Variants in DPYD observed in about 807,000 individuals in gnomAD.
DPYD encodes dihydropyrimidine dehydrogenase [NADP(+)].
In DPYD, 109 loss-of-function variants were observed where a neutral mutation model predicts 116.2. That is an observed-to-expected ratio of 0.94 (90% CI 0.80 to 1.10). The LOEUF (loss-of-function observed/expected upper bound fraction) is 1.10, where lower values mean the gene tolerates loss of function less well. DPYD is among the 50% of genes least tolerant of loss of function. The pLI is 0.00. For synonymous variants in DPYD, 440 were observed against 432.0 expected, an observed-to-expected ratio of 1.02 and a Z score of -0.23; for missense variants, 1,302 against 1,254.5, an observed-to-expected ratio of 1.04 and a Z score of -0.57.
At chr1:97,466,990 G>A (rs780823801) in intron 13 of DPYD, among the ~76,000 whole-genome samples, 1 of 152,146 alleles carries the variant, frequency 6.6e-6, no homozygotes, top group Non-Finnish European at 1.5e-5. Flanking sequence ...AAAAACTTGA[G>A]ATCCTACAAG....
At chr1:97,477,445 C>G (rs979305267) in intron 13 of DPYD, among the ~76,000 whole-genome samples, 23 of 152,220 alleles carry the variant, frequency 1.5e-4, no homozygotes, top group Non-Finnish European at 1.8e-4. Context: ...CACTTGAACT[C>G]AGTGAGAGAT....
At chr1:97,719,211 C>T (rs1380920526) in intron 5 of DPYD, among the ~76,000 whole-genome samples, 1 of 140,626 alleles carries the variant, frequency 7.1e-6, no homozygotes, top group African/African-American at 2.6e-5. Flanking sequence ...CCTGATTCTA[C>T]ATAAGGCTAT....
intron 9 of DPYD, 61 bp downstream of exon 9, chr1:97,594,998 T>C: frequency 3.7e-6 from 5 of 1,344,288 alleles, no homozygotes; most frequent in Non-Finnish European, 3.2e-6. Context: ...GATTTTGATA[T>C]TAATTTATCA....
intron 20 of DPYD, among the ~76,000 whole-genome samples, chr1:97,156,230 C>A (rs1041451546): frequency 1.3e-5 from 2 of 152,058 alleles, no homozygotes; most frequent in Non-Finnish European, 2.9e-5. Flanking sequence ...AAGAAGGAGA[C>A]AGGAGCTTGA....
intron 20 of DPYD, among the ~76,000 whole-genome samples, chr1:97,154,877 A>C (rs1042797536): frequency 2.0e-5 from 3 of 152,086 alleles, no homozygotes; most frequent in African/African-American, 7.2e-5. Context: ...TTGTAACCAA[A>C]CACCACCTGT....
chr1:97,250,138 T>C (rs1438190238), intron 18 of DPYD, among the ~76,000 whole-genome samples: 1 of 151,834 alleles, frequency 6.6e-6, no homozygotes, highest in Non-Finnish European at 1.5e-5. Context: ...GGTGTGGTGG[T>C]GTGTGCCTGT....
rs114262821 is a variant in DPYD at position 97,274,991 on chromosome 1, T to C, written c.2299+30268A>G. Among the ~76,000 whole-genome samples the C allele has an allele frequency of 6.4e-3, 969 of 152,250 alleles. 4 individuals carry two copies. The highest frequency in any genetic ancestry group is 0.01 in the Non-Finnish European group (690 of 68,012). On this transcript the variant is annotated intron_variant, in intron 18 of 22. Transcript: ENST00000370192. ...TAGTTTGGGGAGTGTAAGGAAAATA[T>C]TGGACTGAGAAGCTGGTTCTAAGGG...
At chr1:97,634,182 T>C (rs1366361836) in intron 8 of DPYD, among the ~76,000 whole-genome samples, 1 of 152,148 alleles carries the variant, frequency 6.6e-6, no homozygotes, top group Non-Finnish European at 1.5e-5. Flanking sequence ...AGTTTATAGA[T>C]GAGGAGAGAG....
intron 3 of DPYD, among the ~76,000 whole-genome samples, chr1:97,743,746 C>T (rs80248574): frequency 0.031 from 4,773 of 152,162 alleles, 110 homozygotes; most frequent in African/African-American, 0.065. Flanking sequence ...CAACAATTAT[C>T]GTAAACCACA....
At chr1:97,838,830 C>A (rs1571445823) in intron 2 of DPYD, among the ~76,000 whole-genome samples, 1 of 150,996 alleles carries the variant, frequency 6.6e-6, no homozygotes, top group East Asian at 1.9e-4. Flanking sequence ...CCGGCCTGGG[C>A]GACAGAGCGA....
intron 11 of DPYD, among the ~76,000 whole-genome samples, chr1:97,554,445 C>T (rs1651543071): frequency 6.6e-6 from 1 of 152,024 alleles, no homozygotes; most frequent in Non-Finnish European, 1.5e-5. Context: ...AAACTTTCAA[C>T]ATTTACAATA....
At chr1:97,710,492 T>C (rs1662220850) in intron 5 of DPYD, among the ~76,000 whole-genome samples, 1 of 151,834 alleles carries the variant, frequency 6.6e-6, no homozygotes, top group East Asian at 1.9e-4. Flanking sequence ...TTAAAAATGA[T>C]AAAAACTTCA....
chr1:97,250,944 A>G (rs1663044288), intron 18 of DPYD, among the ~76,000 whole-genome samples: 1 of 152,236 alleles, frequency 6.6e-6, no homozygotes. Flanking sequence ...CATTAAAAAT[A>G]AAAATATATG....
intron 14 of DPYD, among the ~76,000 whole-genome samples, chr1:97,391,291 A>T (rs1467074623): frequency 6.6e-6 from 1 of 151,946 alleles, no homozygotes; most frequent in Middle Eastern, 3.2e-3. Context: ...GTTAGCACTT[A>T]ATTTCCATTT....
chr1:97,361,604 C>A (rs932724948), intron 16 of DPYD, among the ~76,000 whole-genome samples: 1 of 152,190 alleles, frequency 6.6e-6, no homozygotes, highest in Non-Finnish European at 1.5e-5. Flanking sequence ...AGCTTATCCA[C>A]CACGATCAAG....
intron 18 of DPYD, among the ~76,000 whole-genome samples, chr1:97,283,349 C>A (rs1665453211): frequency 6.6e-6 from 1 of 151,944 alleles, no homozygotes; most frequent in Non-Finnish European, 1.5e-5. Flanking sequence ...GGTTCTTGTG[C>A]CAGAAAACAT....
chr1:97,831,067 A>C (rs1247155545), intron 2 of DPYD, among the ~76,000 whole-genome samples: 2 of 152,228 alleles, frequency 1.3e-5, no homozygotes, highest in African/African-American at 4.8e-5. Context: ...ATAAGTAAGC[A>C]CTGTAGCATT....
intron 16 of DPYD, among the ~76,000 whole-genome samples, chr1:97,310,121 C>A (rs1191055725): frequency 5.3e-5 from 8 of 151,788 alleles, no homozygotes; most frequent in East Asian, 3.9e-4. Context: ...CTGTACAATT[C>A]ATTTCAAAAT....
At chr1:97,696,608 G>GA (rs891784957) in intron 6 of DPYD, among the ~76,000 whole-genome samples, 31 of 148,024 alleles carry the variant, frequency 2.1e-4, no homozygotes, top group East Asian at 7.9e-4. Context: ...CTAAGGCTTT[G>GA]AAAAAAAAAA....
Sources: allele counts gnomAD v4.1 joint callset (sites outside exome capture counted in the v4.1 genomes callset), GRCh38; gene constraint gnomAD v4.1.1; transcripts MANE v1.5; gene names NCBI Gene and HGNC (gene_info 2026-07-23, HGNC 2026-07-21).